The following UBE3C variants were observed in gnomAD, a reference collection of about 807,000 sequenced individuals.
The protein encoded by UBE3C is ubiquitin protein ligase E3C.
In UBE3C, 42 loss-of-function variants were observed where a neutral mutation model predicts 129.4. The observed-to-expected ratio is 0.32, with a 90% CI of 0.25 to 0.42. The LOEUF is 0.42. Ranked by LOEUF, UBE3C falls within the 10% of genes least tolerant of loss-of-function variation. The pLI is 1.00. For synonymous variants in UBE3C, 510 were observed against 492.4 expected, an observed-to-expected ratio of 1.04 and a Z score of -0.47; for missense variants, 1,049 against 1,319.1, an observed-to-expected ratio of 0.80 and a Z score of 3.17.
intron 13 of UBE3C, among the ~76,000 whole-genome samples, chr7:157,212,888 G>T (rs6955056): frequency 0.17 from 25,558 of 152,010 alleles, 2,418 homozygotes; most frequent in East Asian, 0.35. Context: ...CTCCTGAGTA[G>T]CTGGGACTAC....
At chr7:157,151,485 G>A (rs1259364347) in intron 1 of UBE3C, among the ~76,000 whole-genome samples, 3 of 152,092 alleles carry the variant, frequency 2.0e-5, no homozygotes, top group African/African-American at 7.2e-5. Context: ...ATAGAGACCT[G>A]ACTTAAAATG....
intron 16 of UBE3C, among the ~76,000 whole-genome samples, chr7:157,224,797 C>A (rs1264423402): frequency 1.4e-5 from 2 of 145,146 alleles, no homozygotes; most frequent in East Asian, 3.9e-4. Context: ...CACACACTCT[C>A]TCTCTCTCTC....
At chr7:157,250,647 A>G (rs902317964) in intron 19 of UBE3C, among the ~76,000 whole-genome samples, 1 of 152,164 alleles carries the variant, frequency 6.6e-6, no homozygotes, top group Non-Finnish European at 1.5e-5. Context: ...TTTGGTTACA[A>G]CTTATTTAGT....
At chr7:157,172,351 T>C (rs1387791703) in intron 4 of UBE3C, among the ~76,000 whole-genome samples, 1 of 152,194 alleles carries the variant, frequency 6.6e-6, no homozygotes, top group Non-Finnish European at 1.5e-5. Flanking sequence ...ATATATAATT[T>C]ATTTTTGGAA....
intron 2 of UBE3C, among the ~76,000 whole-genome samples, chr7:157,167,238 A>AT (rs1025722158): frequency 6.6e-6 from 1 of 151,082 alleles, no homozygotes; most frequent in South Asian, 2.1e-4. Context: ...ACCTCACAGG[A>AT]TTTTTTTATA....
chr7:157,187,390 T>TTTTTTCTTC (rs1808837177), intron 10 of UBE3C, among the ~76,000 whole-genome samples: 1 of 150,924 alleles, frequency 6.6e-6, no homozygotes, highest in Non-Finnish European at 1.5e-5. Flanking sequence ...GGTTTTTTTT[T>TTTTTTCTTC]TTCTTCTTCT....
chr7:157,233,973 A>G (rs1796088694), intron 18 of UBE3C, among the ~76,000 whole-genome samples: 1 of 152,206 alleles, frequency 6.6e-6, no homozygotes, highest in South Asian at 2.1e-4. Flanking sequence ...CATGTGCTTC[A>G]TGACTTCTGT....
intron 13 of UBE3C, 23 bp from the exon 14 acceptor site, chr7:157,216,844 G>A (rs568057878): frequency 4.4e-6 from 7 of 1,582,022 alleles, no homozygotes; most frequent in East Asian, 2.2e-5. Context: ...CGTGTGTGAC[G>A]CGGATATGTT....
At chr7:157,232,795 C>T (rs956123670) in intron 18 of UBE3C, among the ~76,000 whole-genome samples, 1 of 152,192 alleles carries the variant, frequency 6.6e-6, no homozygotes, top group Non-Finnish European at 1.5e-5. Context: ...AAGCATAGTG[C>T]ATGGAGTCGC....
At chr7:157,234,351 A>C (rs1006179789) in intron 18 of UBE3C, among the ~76,000 whole-genome samples, 1 of 152,092 alleles carries the variant, frequency 6.6e-6, no homozygotes, top group Admixed American at 6.6e-5. Context: ...ATTTTTGTAG[A>C]TTGTATGAGT....
At chr7:157,161,523 C>T (rs1171970745) in intron 1 of UBE3C, among the ~76,000 whole-genome samples, 3 of 151,410 alleles carry the variant, frequency 2.0e-5, no homozygotes, top group Non-Finnish European at 4.4e-5. Flanking sequence ...ACAATCTCGG[C>T]TCACTGCAGC....
At chr7:157,164,393 C>G (rs774513779) in intron 2 of UBE3C, 95 of 456,658 alleles carry the variant, frequency 2.1e-4, no homozygotes, top group Admixed American at 1.7e-3. Context: ...TGGCCTCATG[C>G]AATCGCCTCC....
chr7:157,220,627 T>G, intron 14 of UBE3C, 62 bp from the exon 15 acceptor site: 1 of 1,595,894 alleles, frequency 6.3e-7, no homozygotes, highest in Non-Finnish European at 8.6e-7. Flanking sequence ...TGTTCAAGTG[T>G]GATCAGGTCA....
intron 22 of UBE3C, among the ~76,000 whole-genome samples, chr7:157,262,544 G>A (rs988826470): frequency 8.2e-5 from 12 of 146,156 alleles, no homozygotes; most frequent in African/African-American, 2.3e-4. Flanking sequence ...GCAGCCTCCC[G>A]AGTAGGTGGG....
At chr7:157,155,960 G>T (rs1437174873) in intron 1 of UBE3C, among the ~76,000 whole-genome samples, 1 of 152,060 alleles carries the variant, frequency 6.6e-6, no homozygotes, top group African/African-American at 2.4e-5. Flanking sequence ...ATCCTTACGG[G>T]TTCTACATCT....
rs183508638 is a variant in UBE3C, at chr7:157,215,153, G to C, written c.1810-1714G>C. 4.6e-3 allele frequency among the ~76,000 whole-genome samples: 693 copies of C among 152,276 alleles called. 5 individuals carry two copies. Among genetic ancestry groups the C allele is most frequent in the African/African-American group, 0.016 (658 of 41,548 alleles). On this transcript the variant is annotated intron_variant, in intron 13 of 22. Coordinates refer to ENST00000348165, the MANE Select transcript of UBE3C (RefSeq NM_014671.3). Reference sequence around the variant, plus strand: ...AAGGTGCATCTTTGATCTTGAGTGGGTTTTTACTATGCAGTTTTATCTGCA... The same window carrying C: ...AAGGTGCATCTTTGATCTTGAGTGGCTTTTTACTATGCAGTTTTATCTGCA...
chr7:157,195,219 GAT>G (rs1809084753), intron 10 of UBE3C, among the ~76,000 whole-genome samples: 1 of 152,188 alleles, frequency 6.6e-6, no homozygotes, highest in Non-Finnish European at 1.5e-5. Flanking sequence ...TTCCAGGAAA[GAT>G]ATGTGAGGAG....
At chr7:157,211,002 T>C (rs1214758224) in intron 13 of UBE3C, among the ~76,000 whole-genome samples, 1 of 152,216 alleles carries the variant, frequency 6.6e-6, no homozygotes, top group African/African-American at 2.4e-5. Flanking sequence ...TGAAGTGTAA[T>C]TTAGAGCTAT....
At chr7:157,142,889 CGCTGGAGCGCAGTGTTGCCCAG>C (rs1807494660) in intron 1 of UBE3C, among the ~76,000 whole-genome samples, 2 of 150,240 alleles carry the variant, frequency 1.3e-5, no homozygotes, top group African/African-American at 2.5e-5. Context: ...GTTTCGCTCA[CGCTGGAGCGCAGTGTTGCCCAG>C]GCTGGAGTGC....
Sources: gnomAD v4.1 joint callset for allele counts (sites outside exome capture counted in the v4.1 genomes callset) on GRCh38, gnomAD v4.1.1 for gene constraint, MANE v1.5 for transcripts, NCBI Gene and HGNC (gene_info 2026-07-23, HGNC 2026-07-21) for gene names.